The following LHFPL3 variants were observed in gnomAD, a reference collection of about 807,000 sequenced individuals.
The protein encoded by LHFPL3 is LHFPL tetraspan subfamily member 3, also known as LHFPL tetraspan subfamily member 3 protein.
In LHFPL3, 5 loss-of-function variants were observed where a neutral mutation model predicts 19.3. The ratio of observed to expected loss-of-function variants is 0.26; its 90% CI spans 0.14 to 0.54. The LOEUF is 0.54. Ranked by LOEUF, LHFPL3 falls within the 20% of genes least tolerant of loss-of-function variation. The probability of loss-of-function intolerance (pLI) is 0.94; values close to 1 mark genes in which losing one functional copy is unlikely to be tolerated. For missense variants in LHFPL3, 249 were observed against 307.4 expected (o/e 0.81, Z 1.42); for synonymous variants, 133 against 126.2 (o/e 1.05, Z -0.36).
chr7:104,886,049 C>G (rs898815511), intron 2 of LHFPL3, among the ~76,000 whole-genome samples: 1 of 152,112 alleles, frequency 6.6e-6, no homozygotes, highest in Admixed American at 6.5e-5. Context: ...CTTCTCACCC[C>G]AATTTATTTT....
chr7:104,840,903 G>T (rs529121641), intron 2 of LHFPL3, among the ~76,000 whole-genome samples: 44 of 151,578 alleles, frequency 2.9e-4, no homozygotes, highest in Non-Finnish European at 3.8e-4. Context: ...GAAACATAAA[G>T]GTTGTCTTTT....
intron 1 of LHFPL3, among the ~76,000 whole-genome samples, chr7:104,572,661 C>T (rs752231769): frequency 6.6e-6 from 1 of 152,136 alleles, no homozygotes; most frequent in Non-Finnish European, 1.5e-5. Flanking sequence ...CTATAGTACT[C>T]TATTAGCTAT....
intron 1 of LHFPL3, among the ~76,000 whole-genome samples, chr7:104,520,001 GAAA>G (rs1794017200): frequency 6.6e-6 from 1 of 151,958 alleles, no homozygotes; most frequent in Non-Finnish European, 1.5e-5. Flanking sequence ...TTAGTGGTGA[GAAA>G]GGGCATCCCT....
intron 1 of LHFPL3, among the ~76,000 whole-genome samples, chr7:104,683,648 T>C (rs919292566): frequency 6.6e-6 from 1 of 152,210 alleles, no homozygotes; most frequent in Non-Finnish European, 1.5e-5. Flanking sequence ...AGTGTGTGTT[T>C]TCTAAGTTTC....
intron 1 of LHFPL3, among the ~76,000 whole-genome samples, chr7:104,412,218 T>C (rs1365929791): frequency 6.6e-6 from 1 of 151,182 alleles, no homozygotes; most frequent in Non-Finnish European, 1.5e-5. Context: ...CATTTAGTTC[T>C]CACAGCAATC....
intron 2 of LHFPL3, among the ~76,000 whole-genome samples, chr7:104,753,830 T>C (rs1012303034): frequency 6.6e-6 from 1 of 152,228 alleles, no homozygotes. Flanking sequence ...AAATGCAAGT[T>C]AAAACAGTGA....
chr7:104,692,811 T>A (rs962914192), intron 1 of LHFPL3, among the ~76,000 whole-genome samples: 1 of 152,054 alleles, frequency 6.6e-6, no homozygotes, highest in African/African-American at 2.4e-5. Flanking sequence ...AGAAGGAAAA[T>A]GTGGGGTTGG....
chr7:104,612,527 C>T lies in LHFPL3; in HGVS notation c.446-124148C>T, dbSNP rs146569886. Among the ~76,000 whole-genome samples, 6 of 152,132 alleles carry T rather than the reference C, an allele frequency of 3.9e-5. No individual in the cohort carries two copies. In the South Asian group the frequency reaches 6.2e-4, roughly 16 times the overall value. ...GAATAAAGACATCTCATAAATTTTTCGAATGTACCATCACCTTTCTAATGG... is the reference window on the plus strand; with the variant it reads ...GAATAAAGACATCTCATAAATTTTTTGAATGTACCATCACCTTTCTAATGG... On this transcript the variant is annotated intron_variant, in intron 1 of 2. Transcript: ENST00000424859.
At chr7:104,600,719 C>T (rs930518641) in intron 1 of LHFPL3, among the ~76,000 whole-genome samples, 2 of 152,212 alleles carry the variant, frequency 1.3e-5, no homozygotes, top group African/African-American at 4.8e-5. Context: ...GCTTAAATAG[C>T]ACCCTATGGC....
intron 1 of LHFPL3, among the ~76,000 whole-genome samples, chr7:104,600,219 T>C (rs527850781): frequency 3.3e-5 from 5 of 152,254 alleles, no homozygotes; most frequent in Admixed American, 1.3e-4. Context: ...AAATAGACTT[T>C]ATCATATTAA....
At chr7:104,805,899 G>C (rs1790351712) in intron 2 of LHFPL3, among the ~76,000 whole-genome samples, 1 of 152,178 alleles carries the variant, frequency 6.6e-6, no homozygotes, top group Non-Finnish European at 1.5e-5. Flanking sequence ...TGAACCCTGG[G>C]CTCTCTTCCT....
In LHFPL3 at chr7:104,392,499, T is replaced by C. The variant is rs867063072; in HGVS notation, c.445+63275T>C. Among the ~76,000 whole-genome samples the C allele has an allele frequency of 8.3e-4, 126 of 152,062 alleles. 2 individuals are homozygous for C. The highest frequency in any genetic ancestry group is 2.4e-3 in the African/African-American group (98 of 41,502). ...ATGCTGGATTACATTTATTGATTTG[T>C]GTATATTGAACCAGCCTTGCATCCC... On this transcript the variant is annotated intron_variant, in intron 1 of 2. Transcript: ENST00000424859.
intron 1 of LHFPL3, among the ~76,000 whole-genome samples, chr7:104,478,115 T>G (rs757559998): frequency 1.3e-5 from 2 of 152,184 alleles, no homozygotes; most frequent in Non-Finnish European, 1.5e-5. Flanking sequence ...TTTTTTGTGG[T>G]GAAGACATAA....
intron 1 of LHFPL3, among the ~76,000 whole-genome samples, chr7:104,360,242 A>T (rs1790364482): frequency 6.6e-6 from 1 of 152,182 alleles, no homozygotes; most frequent in Admixed American, 6.5e-5. Context: ...TTCTCTCCAA[A>T]AACACAGCTC....
chr7:104,821,155 T>C (rs79412676), intron 2 of LHFPL3, among the ~76,000 whole-genome samples: 1 of 152,234 alleles, frequency 6.6e-6, no homozygotes, highest in East Asian at 1.9e-4. Flanking sequence ...TTCAATTTTT[T>C]AATAAATGTG....
chr7:104,631,381 G>A (rs1002492673), intron 1 of LHFPL3, among the ~76,000 whole-genome samples: 2 of 151,074 alleles, frequency 1.3e-5, no homozygotes, highest in Non-Finnish European at 1.5e-5. Flanking sequence ...CAGAAATCCC[G>A]ATTGGCCCTT....
At chr7:104,729,266 G>T (rs1321638209) in intron 1 of LHFPL3, among the ~76,000 whole-genome samples, 3 of 152,000 alleles carry the variant, frequency 2.0e-5, no homozygotes, top group African/African-American at 7.3e-5. Context: ...CGTATTTATG[G>T]CAAACATATA....
chr7:104,755,418 T>A (rs977628915), intron 2 of LHFPL3, among the ~76,000 whole-genome samples: 2 of 152,082 alleles, frequency 1.3e-5, no homozygotes, highest in African/African-American at 4.8e-5. Context: ...GTCACATACT[T>A]CTCATGATTG....
intron 1 of LHFPL3, among the ~76,000 whole-genome samples, chr7:104,579,270 C>T (rs1790406723): frequency 6.6e-6 from 1 of 152,096 alleles, no homozygotes; most frequent in African/African-American, 2.4e-5. Flanking sequence ...AAATAGTGAA[C>T]ATAGTACCCA....
Sources: gnomAD v4.1 joint callset for allele counts (sites outside exome capture counted in the v4.1 genomes callset) on GRCh38, gnomAD v4.1.1 for gene constraint, MANE v1.5 for transcripts, NCBI Gene and HGNC (gene_info 2026-07-23, HGNC 2026-07-21) for gene names.